Variants in RASGEF1B observed in about 807,000 individuals in gnomAD.
RASGEF1B encodes RasGEF domain family member 1B.
RASGEF1B carries 30 observed loss-of-function variants against 65.7 expected under a neutral mutation model. That is an observed-to-expected ratio of 0.46 (90% CI 0.34 to 0.62). RASGEF1B has a LOEUF of 0.62. Ranked by LOEUF, RASGEF1B falls within the 20% of genes least tolerant of loss-of-function variation. The pLI, the probability that RASGEF1B is intolerant of heterozygous loss-of-function variation, is 0.01. For missense variants in RASGEF1B, 495 were observed against 580.1 expected (o/e 0.85, Z 1.51); for synonymous variants, 175 against 194.8 (o/e 0.90, Z 0.85).
In RASGEF1B at chr4:81,434,576, G is replaced by A. The variant is rs1721542554; in HGVS notation, c.1200+63C>T. ...CTTTGGCTGCCTGGCCAGGAATGCG[G>A]TGCTGGAGAAGCTGCCCCTCTCCTT... On this transcript the variant is annotated intron_variant, in intron 11 of 13. Coordinates refer to ENST00000264400, the MANE Select transcript of RASGEF1B (RefSeq NM_152545.3). 4.4e-6 allele frequency: 4 copies of A among 908,918 alleles called. No homozygotes were observed. The Admixed American group carries it at 6.9e-5, about 16-fold the overall frequency. 56.3% of individuals were successfully genotyped at this position (908,918 alleles called of 1,614,324 possible). A position where few individuals can be genotyped will look rare whatever the true frequency, so the allele number is the denominator to read the frequency against.
At chr4:81,469,693 G>A (rs933522670) in intron 1 of RASGEF1B, among the ~76,000 whole-genome samples, 3 of 151,640 alleles carry the variant, frequency 2.0e-5, no homozygotes, top group African/African-American at 7.3e-5. Flanking sequence ...TCTATTAGAT[G>A]CTAAGCTGTA....
rs557517012 is a variant in RASGEF1B, at chr4:81,442,387, G to T, written c.929-11C>A. The T allele has an allele frequency of 1.2e-5, 19 of 1,570,190 alleles. No homozygotes were observed. In the African/African-American group the frequency reaches 2.4e-4, roughly 20 times the overall value. On this transcript the variant is annotated splice_polypyrimidine_tract_variant and intron_variant, in intron 8 of 13. Coordinates refer to ENST00000264400, the MANE Select transcript of RASGEF1B (RefSeq NM_152545.3). The stretch of plus-strand genomic sequence containing the variant: ...TCATATTCATACCAGCTTCCCATTT[G>T]AAATGGAGGGGGAGAAAAAAGGAAA...
At chr4:81,445,458 C>T (rs1172732805) in intron 8 of RASGEF1B, 68 bp downstream of exon 8, 2 of 1,121,808 alleles carry the variant, frequency 1.8e-6, no homozygotes, top group African/African-American at 1.5e-5. Flanking sequence ...ACTATTTGCA[C>T]ATTTTCTGTG....
chr4:81,460,134 C>A (rs1185536986), intron 1 of RASGEF1B, among the ~76,000 whole-genome samples: 4 of 152,188 alleles, frequency 2.6e-5, no homozygotes, highest in Non-Finnish European at 4.4e-5. Flanking sequence ...GTGTTAAATT[C>A]TCCTGGGGCT....
intron 1 of RASGEF1B, among the ~76,000 whole-genome samples, chr4:81,465,018 A>G (rs1722760311): frequency 1.3e-5 from 2 of 150,638 alleles, no homozygotes; most frequent in South Asian, 4.2e-4. Flanking sequence ...TGGGAAGCGG[A>G]GGTTGTTGTG....
intron 1 of RASGEF1B, among the ~76,000 whole-genome samples, chr4:81,470,155 T>C (rs762011676): frequency 1.1e-4 from 16 of 152,222 alleles, no homozygotes; most frequent in Non-Finnish European, 1.8e-4. Context: ...TTACCTTTAA[T>C]GATAGGGTTT....
At chr4:81,438,227 T>C (rs545181303) in intron 10 of RASGEF1B, among the ~76,000 whole-genome samples, 1 of 152,356 alleles carries the variant, frequency 6.6e-6, no homozygotes, top group Admixed American at 6.5e-5. Context: ...CAAACAGCTA[T>C]TTAAAGAATA....
chr4:81,445,039 G>A (rs914600739), intron 8 of RASGEF1B, among the ~76,000 whole-genome samples: 5 of 152,156 alleles, frequency 3.3e-5, no homozygotes, highest in African/African-American at 1.2e-4. Flanking sequence ...AAGAAACATG[G>A]TCTCTGATGT....
chr4:81,442,978 C>A (rs573858375), intron 8 of RASGEF1B, among the ~76,000 whole-genome samples: 1 of 152,350 alleles, frequency 6.6e-6, no homozygotes, highest in South Asian at 2.1e-4. Flanking sequence ...CTATCTCATA[C>A]ATCCCCTCAA....
chr4:81,436,115 C>T (rs1721625491), intron 10 of RASGEF1B, among the ~76,000 whole-genome samples: 1 of 152,080 alleles, frequency 6.6e-6, no homozygotes, highest in African/African-American at 2.4e-5. Flanking sequence ...TGACCCATCT[C>T]CCTGCTAGAA....
chr4:81,447,543 A>G lies in RASGEF1B; in HGVS notation c.690T>C (p.Val230=). ...RLNYIGPEEF[V]QAFVQKDPLD... ...AAGGGTCCTTCTGCACGAACGCCTG[A>G]ACAAATTCTTCTGGCCCAATATAAT... The change falls in exon 6 of 14, where the codon GTT becomes GTC. Residue 230 remains valine (V), a synonymous_variant. Transcript: ENST00000264400. The G allele has an allele frequency of 6.2e-7, 1 of 1,614,086 alleles. No individual in the cohort carries two copies. Among genetic ancestry groups the G allele is most frequent in the Non-Finnish European group, 8.5e-7 (1 of 1,179,992 alleles).
chr4:81,469,434 C>T, intron 1 of RASGEF1B, among the ~76,000 whole-genome samples: 1 of 152,124 alleles, frequency 6.6e-6, no homozygotes, highest in East Asian at 1.9e-4. Flanking sequence ...CTGAGTCATA[C>T]TAGGGATCCC....
At chr4:81,447,991 C>A in intron 5 of RASGEF1B, 78 bp downstream of exon 5, 2 of 1,200,316 alleles carry the variant, frequency 1.7e-6, no homozygotes, top group Non-Finnish European at 2.5e-6. Context: ...GTGACATTAC[C>A]GCTGACAAAT....
intron 2 of RASGEF1B, chr4:81,459,010 A>C (rs2109991986): frequency 5.1e-6 from 1 of 197,256 alleles, no homozygotes; most frequent in East Asian, 1.2e-4. Flanking sequence ...TTCTGGGAGC[A>C]TCCAATGTTC....
intron 1 of RASGEF1B, among the ~76,000 whole-genome samples, chr4:81,464,734 T>C (rs1722749355): frequency 6.6e-6 from 1 of 152,108 alleles, no homozygotes; most frequent in South Asian, 2.1e-4. Flanking sequence ...AAGAAGAACA[T>C]GGTGGCTCTG....
intron 4 of RASGEF1B, chr4:81,451,507 T>G (rs771945028): frequency 1.3e-5 from 2 of 152,176 alleles, no homozygotes; most frequent in African/African-American, 4.8e-5. Context: ...CCTGTATACA[T>G]AGGAGCAGCG....
At chr4:81,460,250 C>T (rs904536289) in intron 1 of RASGEF1B, among the ~76,000 whole-genome samples, 1 of 152,200 alleles carries the variant, frequency 6.6e-6, no homozygotes, top group African/African-American at 2.4e-5. Context: ...TAAGTTGCTC[C>T]TCTCCATCTG....
chr4:81,445,775 G>A lies in RASGEF1B; in HGVS notation c.793C>T (p.Leu265Phe). 1 of 1,614,044 alleles carries A rather than the reference G, an allele frequency of 6.2e-7. No individual in the cohort carries two copies. The highest frequency in any genetic ancestry group is 1.1e-5 in the South Asian group (1 of 91,070). The change falls in exon 7 of 14, where the codon CTC becomes TTC. Residue 265 changes from leucine (L) to phenylalanine (F), a missense_variant. Transcript: ENST00000264400. Reference sequence around the variant, plus strand: ...ATTTCTGTAGCAACCAAGTAGCTGAGGCGATTAAACCATTCCACGTAAGCT... The same window carrying A: ...ATTTCTGTAGCAACCAAGTAGCTGAAGCGATTAAACCATTCCACGTAAGCT... Reference protein sequence around the residue: ...LEAYVEWFNRLSYLVATEICM... With the variant: ...LEAYVEWFNRFSYLVATEICM...
Position 81,427,669 on chromosome 4 carries a change from T to G in RASGEF1B, c.*99A>C. On this transcript the variant is annotated 3_prime_UTR_variant, in exon 14 of 14. Transcript: ENST00000264400. ...CGGGTGCTCCAATGACTGCAGGGTC[T>G]TCATGAGTGTTCGTGGTACGAGATG... 2.8e-6 allele frequency: 4 copies of G among 1,424,886 alleles called. No individual in the cohort carries two copies. The highest frequency in any genetic ancestry group is 3.9e-6 in the Non-Finnish European group (4 of 1,024,274). The allele number at this position is 1,424,886 out of a possible 1,614,324, so 88.3% of individuals were successfully genotyped here.
Sources: allele counts gnomAD v4.1 joint callset (sites outside exome capture counted in the v4.1 genomes callset), GRCh38; gene constraint gnomAD v4.1.1; transcripts MANE v1.5; gene names NCBI Gene and HGNC (gene_info 2026-07-23, HGNC 2026-07-21).